The following SUN2 variants were observed in gnomAD, a reference collection of about 807,000 sequenced individuals.
SUN2 encodes the protein Sad1 and UNC84 domain containing 2.
A neutral mutation model predicts 100.0 loss-of-function variants in SUN2; 60 were observed. That is an observed-to-expected ratio of 0.60 (90% CI 0.49 to 0.74). SUN2 has a LOEUF of 0.74. Ranked by LOEUF, SUN2 falls within the 30% of genes least tolerant of loss-of-function variation. The pLI is 0.00. For synonymous variants in SUN2, 367 were observed against 403.3 expected (o/e 0.91, Z 1.08); for missense variants, 834 against 954.6 (o/e 0.87, Z 1.66).
chr22:38,754,567 G>T, intron 1 of SUN2: 1 of 1,106,240 alleles, frequency 9.0e-7, no homozygotes, highest in Non-Finnish European at 1.2e-6. Flanking sequence ...AGTTGGCCTG[G>T]GTCCTTGTCT....
At chr22:38,754,603 T>TGGGCTG in intron 1 of SUN2, 4 of 889,148 alleles carry the variant, frequency 4.5e-6, no homozygotes, top group Non-Finnish European at 6.4e-6. Context: ...TAAGGTAATC[T>TGGGCTG]CCCCTCCCCC....
chr22:38,741,130 G>A, intron 10 of SUN2, 80 bp from the exon 11 acceptor site: 1 of 1,492,380 alleles, frequency 6.7e-7, no homozygotes, highest in Non-Finnish European at 9.1e-7. Flanking sequence ...CTGTCTGTTA[G>A]CGTCTTTGCT....
chr22:38,744,591 T>G (rs2092888451), intron 8 of SUN2, among the ~76,000 whole-genome samples: 1 of 152,226 alleles, frequency 6.6e-6, no homozygotes. Context: ...AAAAAATTTT[T>G]AAATGAATAA....
chr22:38,745,962 C>T (rs969414236), intron 7 of SUN2, 151 bp from the exon 8 acceptor site: 31 of 1,232,166 alleles, frequency 2.5e-5, no homozygotes, highest in Middle Eastern at 2.8e-4. Flanking sequence ...ATGCAGGTGC[C>T]CCCATTCTCT....
At position 38,740,419 on chromosome 22, in the gene SUN2, A is replaced by G. The variant is rs775568593; in HGVS notation, c.1204T>C (p.Ser402Pro). The change falls in exon 12 of 18, where the codon TCC becomes CCC. Residue 402 changes from serine (S) to proline (P), a missense_variant. Physicochemically the swap from Ser to Pro is moderately conservative, Grantham distance 74. Coordinates refer to ENST00000689035, the MANE Select transcript of SUN2 (RefSeq NM_015374.3). This position sits in a 1 kb window ranked among gnomAD's most constrained non-coding sequence, Gnocchi z 4.8. ...KSEWQSMTQE[S>P]FQESSVKELR... ...TCCTTCACAGAGCTCTCCTGGAAGG[A>G]CTCCTGGGTCATGCTGGTCCCAGAG... 6.5e-7 allele frequency: 1 copy of G among 1,529,968 alleles called. No homozygotes were observed. The highest frequency in any genetic ancestry group is 1.4e-5 in the African/African-American group (1 of 72,712). 94.8% of individuals were successfully genotyped at this position (1,529,968 alleles called of 1,614,324 possible).
intron 3 of SUN2, 79 bp from the exon 4 acceptor site, chr22:38,751,114 G>C: frequency 6.2e-7 from 1 of 1,609,982 alleles, no homozygotes; most frequent in Non-Finnish European, 8.5e-7. Flanking sequence ...GAGGTGCTCT[G>C]AGGAGGGAAT....
intron 9 of SUN2, among the ~76,000 whole-genome samples, chr22:38,742,092 G>A (rs1226877362): frequency 6.6e-6 from 1 of 151,658 alleles, no homozygotes; most frequent in East Asian, 1.9e-4. Flanking sequence ...GTAGTGAGTC[G>A]AGATCACGCC....
intron 8 of SUN2, chr22:38,745,215 C>T (rs1406575385): frequency 4.3e-6 from 2 of 470,500 alleles, no homozygotes; most frequent in Non-Finnish European, 8.8e-6. Flanking sequence ...TACAGCTGTC[C>T]TAGGCAAGGG....
At position 38,755,013 on chromosome 22, in the gene SUN2, C is replaced by T. The variant is rs1173338665; in HGVS notation, c.-38+750G>A. 2.0e-5 allele frequency: 25 copies of T among 1,248,932 alleles called. No individual in the cohort carries two copies. The highest frequency in any genetic ancestry group is 2.4e-5 in the Non-Finnish European group (23 of 956,330). The allele number at this position is 1,248,932 out of a possible 1,614,324, so 77.4% of individuals were successfully genotyped here. The stretch of plus-strand genomic sequence containing the variant: ...CGAATCATAATAGACACCACCCCCG[C>T]CCCACCTCCTCCCTAACAATCAGTT... On this transcript the variant is annotated intron_variant, in intron 1 of 17. Transcript: ENST00000689035. This position sits in a 1 kb window ranked among gnomAD's most constrained non-coding sequence, Gnocchi z 5.7.
intron 8 of SUN2, chr22:38,743,147 G>C (rs1297978314): frequency 6.6e-6 from 1 of 152,256 alleles, no homozygotes; most frequent in Non-Finnish European, 1.5e-5. Context: ...ATGAATTTGA[G>C]AATGTTGTTG....
At position 38,754,057 on chromosome 22, in the gene SUN2, G is replaced by A. The variant is rs143646352; in HGVS notation, c.-37-1392C>T. On this transcript the variant is annotated intron_variant, in intron 1 of 17. Transcript: ENST00000689035. ...GCAGCATGAATTACAGTCAGTTCCG[G>A]TCACCATGTGGGGCAGAAATCAAGG... Among the ~76,000 whole-genome samples the A allele has an allele frequency of 5.7e-3, 868 of 152,304 alleles. 4 individuals are homozygous for A. Among genetic ancestry groups the A allele is most frequent in the Middle Eastern group, 0.014 (4 of 294 alleles).
At chr22:38,745,089 G>A in intron 8 of SUN2, 1 of 471,164 alleles carries the variant, frequency 2.1e-6, no homozygotes, top group Non-Finnish European at 4.4e-6. Context: ...ACGGTGTGCT[G>A]GTTCTGGATC....
chr22:38,746,292 C>T (rs1260198122), intron 7 of SUN2, among the ~76,000 whole-genome samples: 1 of 152,144 alleles, frequency 6.6e-6, no homozygotes, highest in Non-Finnish European at 1.5e-5. Flanking sequence ...CTGAGAGTCA[C>T]TGCAACAGAA....
At position 38,739,952 on chromosome 22, in the gene SUN2, A is replaced by G; in HGVS notation, c.1357-9T>C. On this transcript the variant is annotated splice_polypyrimidine_tract_variant and intron_variant, in intron 12 of 17. Transcript: ENST00000689035. This position sits in a 1 kb window ranked among gnomAD's most constrained non-coding sequence, Gnocchi z 6.7. ...GGGAACTGAGATTCCACCTATAGGA[A>G]CCCAAAGGGGTGTCACCCTGGGGGG... 3 of 1,608,248 alleles carry G rather than the reference A, an allele frequency of 1.9e-6. No individual in the cohort carries two copies. The highest frequency in any genetic ancestry group is 2.5e-6 in the Non-Finnish European group (3 of 1,179,404).
At chr22:38,746,863 C>G (rs999330137) in intron 7 of SUN2, among the ~76,000 whole-genome samples, 6 of 152,014 alleles carry the variant, frequency 3.9e-5, no homozygotes, top group African/African-American at 1.4e-4. Context: ...CACCCCATCT[C>G]TACTAAAAAT....
At chr22:38,748,821 G>A in intron 6 of SUN2, 38 bp from the exon 7 acceptor site, 1 of 1,607,862 alleles carries the variant, frequency 6.2e-7, no homozygotes, top group Non-Finnish European at 8.5e-7. Flanking sequence ...GGAGGCGGAG[G>A]TGTGAGGGGA....
In SUN2 at chr22:38,748,879, C is replaced by G. The variant is rs1013240578; in HGVS notation, c.615-96G>C. 2.9e-5 allele frequency: 37 copies of G among 1,287,762 alleles called. 2 individuals are homozygous for G. In the Admixed American group the frequency reaches 4.3e-4, roughly 15 times the overall value. 79.8% of individuals were successfully genotyped at this position (1,287,762 alleles called of 1,614,324 possible). On this transcript the variant is annotated intron_variant, in intron 6 of 17. Coordinates refer to ENST00000689035, the MANE Select transcript of SUN2 (RefSeq NM_015374.3). ...CCAGGGAGTACCCTGAGATGTTTTC[C>G]TGGGTGCTGAACTAGAGCTAAGGAG...
At chr22:38,753,210 C>CTTTTTTTTT (rs869037443) in intron 1 of SUN2, among the ~76,000 whole-genome samples, 147 of 86,244 alleles carry the variant, frequency 1.7e-3, no homozygotes, top group African/African-American at 3.0e-3. Context: ...CACCTATGTT[C>CTTTTTTTTT]TTTTTTTTTT....
Position 38,751,248 on chromosome 22 carries a change from C to T in SUN2, c.248G>A (p.Arg83Lys), listed in dbSNP as rs147820532. 2.5e-6 allele frequency: 4 copies of T among 1,613,960 alleles called. No homozygotes were observed. The highest frequency in any genetic ancestry group is 1.7e-4 in the Middle Eastern group (1 of 6,060). Reference sequence around the variant, plus strand: ...ACCATGCAGTTCCTCCAGGGAGCTCCTGGGTGGGAACCAGGACTCGTGGAC... The same window carrying T: ...ACCATGCAGTTCCTCCAGGGAGCTCTTGGGTGGGAACCAGGACTCGTGGAC... ...SLVHESWFPP[R>K]SSLEELHGDA... is the part of the protein sequence containing the mutation. The change falls in exon 3 of 18, where the codon AGG becomes AAG. Residue 83 changes from arginine to lysine, a missense_variant. By Grantham distance (26) the Arg-to-Lys change is conservative (BLOSUM62 2). Coordinates refer to ENST00000689035, the MANE Select transcript of SUN2 (RefSeq NM_015374.3).
Sources: gnomAD v4.1 joint callset for allele counts (sites outside exome capture counted in the v4.1 genomes callset) on GRCh38, gnomAD v4.1.1 for gene constraint, Gnocchi (gnomAD v3.1) non-coding constraint, MANE v1.5 for transcripts, NCBI Gene and HGNC (gene_info 2026-07-23, HGNC 2026-07-21) for gene names.